The following MCM9 variants were observed in gnomAD, a reference collection of about 807,000 sequenced individuals.
MCM9 encodes minichromosome maintenance 9 homologous recombination repair factor, also known as DNA helicase MCM9.
In MCM9, 55 loss-of-function variants were observed where a neutral mutation model predicts 72.8. The observed-to-expected ratio is 0.76, with a 90% CI of 0.61 to 0.95. The LOEUF (loss-of-function observed/expected upper bound fraction) is 0.95. MCM9 is among the 40% of genes least tolerant of loss of function. The pLI is 0.00. For missense variants in MCM9, 1,279 were observed against 1,377.0 expected (o/e 0.93, Z 1.13); for synonymous variants, 480 against 503.4 (o/e 0.95, Z 0.62).
At chr6:118,821,060 G>A (rs200804022) in intron 13 of MCM9, among the ~76,000 whole-genome samples, 4 of 152,174 alleles carry the variant, frequency 2.6e-5, no homozygotes, top group African/African-American at 7.2e-5. Context: ...ACACTGATGG[G>A]TCTTGACTCT....
At chr6:118,910,954 T>A in intron 8 of MCM9, 1 of 985,348 alleles carries the variant, frequency 1.0e-6, no homozygotes, top group Non-Finnish European at 1.2e-6. Flanking sequence ...CAAACATTTT[T>A]AAAATGTGTG....
chr6:118,842,726 C>T (rs1455381383), intron 9 of MCM9, among the ~76,000 whole-genome samples: 2 of 152,006 alleles, frequency 1.3e-5, no homozygotes, highest in African/African-American at 2.4e-5. Context: ...CATTATGTTG[C>T]CCAGGTTGGT....
intron 8 of MCM9, among the ~76,000 whole-genome samples, chr6:118,865,110 G>A (rs1421193059): frequency 3.3e-5 from 5 of 152,108 alleles, no homozygotes; most frequent in African/African-American, 2.4e-5. Context: ...TGTATATTGA[G>A]CACCCACAAT....
chr6:118,888,602 C>T (rs953481816), intron 8 of MCM9, among the ~76,000 whole-genome samples: 1 of 152,114 alleles, frequency 6.6e-6, no homozygotes, highest in African/African-American at 2.4e-5. Context: ...AAACATTTGT[C>T]CCATCCCATG....
intron 8 of MCM9, among the ~76,000 whole-genome samples, chr6:118,894,987 C>T (rs1170609462): frequency 6.7e-6 from 1 of 149,872 alleles, no homozygotes; most frequent in Non-Finnish European, 1.5e-5. Context: ...GCCAGCGACC[C>T]CGGCGCACGG....
intron 8 of MCM9, among the ~76,000 whole-genome samples, chr6:118,888,942 G>C (rs529493696): frequency 6.6e-6 from 1 of 152,218 alleles, no homozygotes; most frequent in Admixed American, 6.5e-5. Flanking sequence ...GGAGGGGGAT[G>C]TGCTAAAGGC....
intron 6 of MCM9, among the ~76,000 whole-genome samples, chr6:118,916,141 C>G (rs923950287): frequency 8.6e-5 from 13 of 151,500 alleles, no homozygotes; most frequent in Non-Finnish European, 1.8e-4. Flanking sequence ...TCGCTTGAGC[C>G]TAGGAGTTCA....
intron 9 of MCM9, among the ~76,000 whole-genome samples, chr6:118,852,564 T>G (rs1008335513): frequency 6.6e-6 from 1 of 152,236 alleles, no homozygotes; most frequent in Non-Finnish European, 1.5e-5. Context: ...TATACTGTCC[T>G]GACCCCAAGC....
chr6:118,894,859 G>A (rs576943720), intron 8 of MCM9, among the ~76,000 whole-genome samples: 69 of 152,314 alleles, frequency 4.5e-4, no homozygotes, highest in African/African-American at 1.6e-3. Flanking sequence ...GCTCCGCGCC[G>A]CCAACAGCCT....
chr6:118,830,664 C>T (rs1015220778), intron 9 of MCM9, among the ~76,000 whole-genome samples: 3 of 152,266 alleles, frequency 2.0e-5, no homozygotes, highest in Middle Eastern at 3.4e-3. Flanking sequence ...AAAATGTCCA[C>T]AACACTGGCA....
chr6:118,856,932 A>C (rs1170112635), intron 8 of MCM9, among the ~76,000 whole-genome samples: 1 of 152,218 alleles, frequency 6.6e-6, no homozygotes, highest in African/African-American at 2.4e-5. Context: ...AAATGCCTAC[A>C]TTTTAAAGAG....
At chr6:118,841,012 C>T (rs776412376) in intron 9 of MCM9, among the ~76,000 whole-genome samples, 7 of 152,106 alleles carry the variant, frequency 4.6e-5, no homozygotes, top group Non-Finnish European at 7.4e-5. Flanking sequence ...CCTCCCAAAA[C>T]GCTGGGATTA....
Position 118,917,781 on chromosome 6 carries a change from G to A in MCM9, c.704-20C>T. 1 of 1,605,844 alleles carries A rather than the reference G, an allele frequency of 6.2e-7. No homozygotes were observed. The highest frequency in any genetic ancestry group is 1.3e-5 in the African/African-American group (1 of 74,848). On this transcript the variant is annotated intron_variant, in intron 5 of 13. Transcript: ENST00000619706. ...CATCACCTAGGAAAAAGCATCAAGT[G>A]AGTCCAGCAGTAGCATCCTGCATGC...
At chr6:118,890,551 G>A (rs1403370326) in intron 8 of MCM9, among the ~76,000 whole-genome samples, 2 of 152,074 alleles carry the variant, frequency 1.3e-5, no homozygotes, top group Non-Finnish European at 2.9e-5. Context: ...CTTTCCTACT[G>A]AACCATAAGG....
intron 9 of MCM9, among the ~76,000 whole-genome samples, chr6:118,843,621 A>AAAAAC (rs1218520673): frequency 2.0e-4 from 6 of 29,478 alleles, no homozygotes; most frequent in Middle Eastern, 0.019. Flanking sequence ...TCTGTCTCAA[A>AAAAAC]AAAACAAAAC....
chr6:118,914,263 G>T, intron 6 of MCM9, among the ~76,000 whole-genome samples: 1 of 152,256 alleles, frequency 6.6e-6, no homozygotes, highest in Non-Finnish European at 1.5e-5. Flanking sequence ...ATCACTGTTT[G>T]GGGTTCTGTT....
intron 9 of MCM9, among the ~76,000 whole-genome samples, chr6:118,834,407 C>T (rs1289267382): frequency 1.3e-5 from 2 of 152,094 alleles, no homozygotes; most frequent in East Asian, 1.9e-4. Flanking sequence ...AATGGTATGT[C>T]GGTTATAGAT....
intron 13 of MCM9, among the ~76,000 whole-genome samples, chr6:118,817,125 T>C (rs989631727): frequency 3.9e-5 from 6 of 152,148 alleles, no homozygotes; most frequent in Non-Finnish European, 8.8e-5. Context: ...AGGACAACTT[T>C]CTTGTTTTTT....
intron 9 of MCM9, among the ~76,000 whole-genome samples, chr6:118,835,407 G>A (rs1056473457): frequency 2.6e-5 from 4 of 152,134 alleles, no homozygotes; most frequent in African/African-American, 9.7e-5. Context: ...GTAGCTTGAT[G>A]GGGATAGAAT....
Sources: allele counts gnomAD v4.1 joint callset (sites outside exome capture counted in the v4.1 genomes callset), GRCh38; gene constraint gnomAD v4.1.1; transcripts MANE v1.5; gene names NCBI Gene and HGNC (gene_info 2026-07-23, HGNC 2026-07-21).